PTPN2: variants seen among roughly 807,000 people sequenced by gnomAD.
PTPN2 encodes protein tyrosine phosphatase non-receptor type 2.
In PTPN2, 19 loss-of-function variants were observed where a neutral mutation model predicts 57.3. The ratio of observed to expected loss-of-function variants is 0.33; its 90% CI spans 0.23 to 0.49. PTPN2 has a LOEUF of 0.49. PTPN2 is among the 20% of genes least tolerant of loss of function. The pLI, the probability that PTPN2 is intolerant of heterozygous loss-of-function variation, is 0.99. For synonymous variants in PTPN2, 153 were observed against 164.9 expected (o/e 0.93, Z 0.55); for missense variants, 358 against 501.1 (o/e 0.71, Z 2.73).
chr18:12,881,434 C>CA (rs375162157), intron 1 of PTPN2, among the ~76,000 whole-genome samples: 2,991 of 147,114 alleles, frequency 0.02, 44 homozygotes, highest in African/African-American at 0.035. Flanking sequence ...GGGACTCTGT[C>CA]AAAAAAAAAA....
chr18:12,786,842 T>C (rs971120475), intron 9 of PTPN2: 8 of 152,316 alleles, frequency 5.3e-5, no homozygotes, highest in African/African-American at 1.9e-4. Context: ...TTTTCTCTGA[T>C]TATCCAACAG....
At chr18:12,856,045 G>A (rs2043577891) in intron 2 of PTPN2, among the ~76,000 whole-genome samples, 1 of 152,206 alleles carries the variant, frequency 6.6e-6, no homozygotes, top group South Asian at 2.1e-4. Context: ...CAAGGCAGCA[G>A]AGTTTCAGAT....
rs2043703320 is a variant in PTPN2 at position 12,859,221 on chromosome 18, T to C, written c.103A>G (p.Arg35Gly). The change falls in exon 2 of 9, where the codon AGA (arginine) becomes GGA (glycine). Residue 35 changes from arginine (R) to glycine (G), a missense_variant. Around this residue, in one of 4 missense-constraint regions of PTPN2, gnomAD observed 62 missense variants for 47.9 expected, o/e 1.29. Transcript: ENST00000309660. ...IRNESHDYPH[R>G]VAKFPENRNR... ...CTGTTTTCTGGAAACTTGGCCACTC[T>C]ATGAGGATAGTCATGGGACTCATTT... 1 of 1,613,224 alleles carries C rather than the reference T, an allele frequency of 6.2e-7. No homozygotes were observed. The highest frequency in any genetic ancestry group is 1.3e-5 in the African/African-American group (1 of 75,048).
rs917682849 is a variant in PTPN2, at chr18:12,793,742, A to G, written c.*536T>C. 2 of 948,666 alleles carry G rather than the reference A, an allele frequency of 2.1e-6. No individual in the cohort carries two copies. Among genetic ancestry groups the G allele is most frequent in the African/African-American group, 3.6e-5 (2 of 56,334 alleles). 58.8% of individuals were successfully genotyped at this position (948,666 alleles called of 1,614,324 possible). On this transcript the variant is annotated 3_prime_UTR_variant, in exon 9 of 9. Transcript: ENST00000309660. ...GATTTTTCAAATTGAGCTCTTAAAA[A>G]GTACAGTTAACTACAAAAGATTAAA...
chr18:12,825,177 A>G (rs901417788), intron 5 of PTPN2, among the ~76,000 whole-genome samples: 3 of 152,124 alleles, frequency 2.0e-5, no homozygotes, highest in African/African-American at 7.2e-5. Context: ...ATGTGTGTGT[A>G]TGTATGTATG....
chr18:12,859,694 G>C (rs116361560), intron 1 of PTPN2, among the ~76,000 whole-genome samples: 1 of 152,140 alleles, frequency 6.6e-6, no homozygotes, highest in East Asian at 1.9e-4. Context: ...AAAACTCACA[G>C]CATCTACCTA....
At chr18:12,827,663 G>A (rs958089034) in intron 4 of PTPN2, among the ~76,000 whole-genome samples, 1 of 151,448 alleles carries the variant, frequency 6.6e-6, no homozygotes, top group Non-Finnish European at 1.5e-5. Context: ...GGGATTATAG[G>A]TGTAAGCCCT....
At chr18:12,792,144 C>T, downstream of PTPN2, 1 of 816,936 alleles carries the variant, frequency 1.2e-6, no homozygotes, top group Non-Finnish European at 1.5e-6. Context: ...AATCAGGACA[C>T]AGGCACATGT....
intron 7 of PTPN2, among the ~76,000 whole-genome samples, chr18:12,803,121 TA>T (rs1202802021): frequency 6.6e-6 from 1 of 151,672 alleles, no homozygotes; most frequent in Admixed American, 6.6e-5. Context: ...GGGGGGAGGG[TA>T]AAAGCCAAAA....
chr18:12,793,749 TTAACTAC>T lies in PTPN2; in HGVS notation c.*522_*528del. 2.1e-6 allele frequency: 2 copies of T among 944,322 alleles called. No homozygotes were observed. The highest frequency in any genetic ancestry group is 3.6e-5 in the African/African-American group (2 of 56,338). The allele number at this position is 944,322 out of a possible 1,614,324, so 58.5% of individuals were successfully genotyped here. A position where few individuals can be genotyped will look rare whatever the true frequency, so the allele number is the denominator to read the frequency against. The stretch of plus-strand genomic sequence containing the variant: ...CAAATTGAGCTCTTAAAAAGTACAG[TTAACTAC>T]AAAAGATTAAATAGATACTTATAAA... On this transcript the variant is annotated 3_prime_UTR_variant, in exon 9 of 9. Transcript: ENST00000309660.
chr18:12,837,061 G>A (rs2042891410), intron 2 of PTPN2, among the ~76,000 whole-genome samples, 170 bp from the exon 3 acceptor site: 1 of 152,116 alleles, frequency 6.6e-6, no homozygotes, highest in Non-Finnish European at 1.5e-5. Flanking sequence ...TTTGTAAGGA[G>A]TATAAAATGC....
chr18:12,789,521 C>T (rs1294392341), downstream of PTPN2, among the ~76,000 whole-genome samples: 3 of 152,184 alleles, frequency 2.0e-5, no homozygotes, highest in Non-Finnish European at 2.9e-5. Context: ...AATGGGAACG[C>T]AGAACAGGCA....
At chr18:12,878,142 G>C (rs930741801) in intron 1 of PTPN2, among the ~76,000 whole-genome samples, 3 of 152,128 alleles carry the variant, frequency 2.0e-5, no homozygotes, top group Non-Finnish European at 4.4e-5. Context: ...TTGAAGACCA[G>C]CCTGGGCAAA....
At chr18:12,808,661 G>A (rs967855583) in intron 7 of PTPN2, among the ~76,000 whole-genome samples, 1 of 152,056 alleles carries the variant, frequency 6.6e-6, no homozygotes, top group East Asian at 1.9e-4. Context: ...CACGCCTATA[G>A]TCCCAGCTAC....
At chr18:12,785,938 G>T in intron 9 of PTPN2, 1 of 1,110,472 alleles carries the variant, frequency 9.0e-7, no homozygotes, top group Non-Finnish European at 1.4e-6. Flanking sequence ...GACTAACAAT[G>T]AACTGAAAAG....
intron 1 of PTPN2, among the ~76,000 whole-genome samples, chr18:12,883,389 G>C (rs959631846): frequency 6.6e-6 from 1 of 152,212 alleles, no homozygotes; most frequent in Non-Finnish European, 1.5e-5. Context: ...GGAAAATGAA[G>C]ACGGAGGGTC....
intron 4 of PTPN2, among the ~76,000 whole-genome samples, chr18:12,827,395 ATTT>A (rs74221641): frequency 3.5e-5 from 5 of 144,674 alleles, no homozygotes; most frequent in Non-Finnish European, 4.5e-5. Context: ...AAAATAAATA[ATTT>A]TTTTTTTTTT....
chr18:12,813,435 A>G (rs8088203), intron 7 of PTPN2, among the ~76,000 whole-genome samples: 42,960 of 152,104 alleles, frequency 0.28, 6,385 homozygotes, highest in South Asian at 0.47. Context: ...CTATTTAAAG[A>G]TTTGGAAAAA....
chr18:12,825,164 T>C (rs1353392975), intron 5 of PTPN2, among the ~76,000 whole-genome samples: 1 of 152,202 alleles, frequency 6.6e-6, no homozygotes, highest in African/African-American at 2.4e-5. Flanking sequence ...GCCACATTTA[T>C]ACATGTGTGT....
Sources: allele counts gnomAD v4.1 joint callset (sites outside exome capture counted in the v4.1 genomes callset), GRCh38; gene constraint gnomAD v4.1.1; regional missense constraint gnomAD v4.1.1; transcripts MANE v1.5; gene names NCBI Gene and HGNC (gene_info 2026-07-23, HGNC 2026-07-21).